Variants in SNAI1 observed in about 807,000 individuals in gnomAD.
SNAI1 encodes the protein zinc finger protein SNAI1.
A neutral mutation model predicts 24.7 loss-of-function variants in SNAI1; 15 were observed. That is an observed-to-expected ratio of 0.61 (90% confidence interval 0.41 to 0.93). The LOEUF is 0.93. Ranked by LOEUF, SNAI1 falls within the 40% of genes least tolerant of loss-of-function variation. The probability of loss-of-function intolerance (pLI) is 0.00; values close to 1 mark genes in which losing one functional copy is unlikely to be tolerated. For synonymous variants in SNAI1, 163 were observed against 142.9 expected, an observed-to-expected ratio of 1.14 and a Z score of -1.00; for missense variants, 283 against 336.7, an observed-to-expected ratio of 0.84 and a Z score of 1.25.
chr20:49,987,146 C>T (rs1485249958), intron 2 of SNAI1, among the ~76,000 whole-genome samples: 2 of 152,114 alleles, frequency 1.3e-5, no homozygotes, highest in African/African-American at 4.8e-5. Flanking sequence ...AGGCCCTTGC[C>T]CTTATGGGAC....
intron 2 of SNAI1, among the ~76,000 whole-genome samples, chr20:49,986,987 T>G (rs1214025918): frequency 2.0e-5 from 3 of 152,160 alleles, no homozygotes; most frequent in African/African-American, 7.2e-5. Context: ...TTGTTGAGGA[T>G]TTACTGGGCA....
In SNAI1 at chr20:49,984,082, C is replaced by T. The variant is rs774280694; in HGVS notation, c.341C>T (p.Ser114Phe). The T allele has an allele frequency of 3.8e-5, 61 of 1,614,094 alleles. No individual in the cohort carries two copies. The highest frequency in any genetic ancestry group is 4.9e-5 in the Non-Finnish European group (58 of 1,180,018). The change falls in exon 2 of 3, where the codon TCC (serine) becomes TTC (phenylalanine). Residue 114 changes from serine (S) to phenylalanine (F), a missense_variant. Transcript: ENST00000244050. ...SPPSPAPSSF[S>F]STSVSSLEAE... ...CCCTCACCGGCTCCTTCGTCCTTCT[C>T]CTCTACTTCAGTCTCTTCCTTGGAG...
intron 2 of SNAI1, among the ~76,000 whole-genome samples, chr20:49,984,887 G>A (rs879526088): frequency 1.5e-4 from 23 of 152,194 alleles, no homozygotes; most frequent in Non-Finnish European, 3.1e-4. Context: ...GCAAAGTGCC[G>A]GTACCTGCTA....
chr20:49,986,418 C>T (rs1051515261), intron 2 of SNAI1, among the ~76,000 whole-genome samples: 2 of 152,178 alleles, frequency 1.3e-5, no homozygotes, highest in African/African-American at 2.4e-5. Flanking sequence ...CTCTCCTACC[C>T]TGGTAGCTCA....
rs1222070626 is a variant in SNAI1 at position 49,988,038 on chromosome 20, C to T, written c.777C>T (p.Cys259=). 5.0e-6 allele frequency: 8 copies of T among 1,604,948 alleles called. No individual in the cohort carries two copies. Among genetic ancestry groups the T allele is most frequent in the Non-Finnish European group, 6.8e-6 (8 of 1,174,306 alleles). Residue 259 remains cysteine (C), a synonymous_variant, in exon 3 of 3, where the codon TGC becomes TGT. Transcript: ENST00000244050. ...TCCACAAGCACCAAGAGTCCGGCTG[C>T]TCAGGATGTCCCCGCTGACCCTCGA... ...SLLHKHQESG[C]SGCPR is the part of the protein sequence containing the mutation.
In SNAI1 at chr20:49,984,396, C is replaced by G. The variant is rs886761206; in HGVS notation, c.610+45C>G. The G allele has an allele frequency of 1.3e-5, 20 of 1,507,248 alleles. No individual in the cohort carries two copies. In the African/African-American group the frequency reaches 2.1e-4, roughly 16 times the overall value. The allele number at this position is 1,507,248 out of a possible 1,614,324, so 93.4% of individuals were successfully genotyped here. A position where few individuals can be genotyped will look rare whatever the true frequency, so the allele number is the denominator to read the frequency against. ...CCCCCACCGTTGCTCTCTCTGGCAGCTTTTGTGAATCTGGGCTTGCTGTTC... is the reference window on the plus strand; with the variant it reads ...CCCCCACCGTTGCTCTCTCTGGCAGGTTTTGTGAATCTGGGCTTGCTGTTC... On this transcript the variant is annotated intron_variant, in intron 2 of 2. Coordinates refer to ENST00000244050, the MANE Select transcript of SNAI1 (RefSeq NM_005985.4).
rs371056563 is a variant in SNAI1 at position 49,987,858 on chromosome 20, C to G, written c.611-14C>G. Reference sequence around the variant, plus strand: ...CCCACGGCTCACTCGGCCTTTCTGGCGTTCTCTCCCCAGGCGAGAAGCCCT... The same window carrying G: ...CCCACGGCTCACTCGGCCTTTCTGGGGTTCTCTCCCCAGGCGAGAAGCCCT... On this transcript the variant is annotated splice_polypyrimidine_tract_variant and intron_variant, in intron 2 of 2. Transcript: ENST00000244050. 2 of 1,612,900 alleles carry G rather than the reference C, an allele frequency of 1.2e-6. No individual in the cohort carries two copies. Among genetic ancestry groups the G allele is most frequent in the Admixed American group, 1.7e-5 (1 of 59,994 alleles).
rs1568931710 is a variant in SNAI1, at chr20:49,988,029, G to A, written c.768G>A (p.Glu256=). 6.2e-7 allele frequency: 1 copy of A among 1,609,708 alleles called. No homozygotes were observed. Among genetic ancestry groups the A allele is most frequent in the Non-Finnish European group, 8.5e-7 (1 of 1,177,196 alleles). The change falls in exon 3 of 3, where the codon GAG becomes GAA. Residue 256 remains glutamate, a synonymous_variant. Coordinates refer to ENST00000244050, the MANE Select transcript of SNAI1 (RefSeq NM_005985.4). ...SRMSLLHKHQ[E]SGCSGCPR Reference sequence around the variant, plus strand: ...TGTCCCTGCTCCACAAGCACCAAGAGTCCGGCTGCTCAGGATGTCCCCGCT... The same window carrying A: ...TGTCCCTGCTCCACAAGCACCAAGAATCCGGCTGCTCAGGATGTCCCCGCT...
At chr20:49,985,393 T>C (rs2078330687) in intron 2 of SNAI1, among the ~76,000 whole-genome samples, 1 of 152,154 alleles carries the variant, frequency 6.6e-6, no homozygotes, top group Admixed American at 6.5e-5. Flanking sequence ...TCGCGGGCTT[T>C]ATTGGCATCT....
chr20:49,983,463 C>T lies in SNAI1; in HGVS notation c.82+322C>T, dbSNP rs890665381. On this transcript the variant is annotated intron_variant, in intron 1 of 2. Transcript: ENST00000244050. ...CCTCTGGACGCTGCTGGGGAGAGTC[C>T]GGAGTCCAGAGGGTTGAGGGGAGGG... Among the ~76,000 whole-genome samples the T allele has an allele frequency of 1.4e-4, 15 of 104,922 alleles. 1 individual carries two copies. In the East Asian group the frequency reaches 3.9e-3, roughly 27 times the overall value. 68.8% of individuals were successfully genotyped at this position (104,922 alleles called of 152,430 possible). A position where few individuals can be genotyped will look rare whatever the true frequency, so the allele number is the denominator to read the frequency against.
intron 2 of SNAI1, 101 bp downstream of exon 2, chr20:49,984,452 C>G (rs190995332): frequency 1.0e-5 from 12 of 1,197,558 alleles, no homozygotes; most frequent in Non-Finnish European, 1.4e-5. Context: ...ACTGAGGCCC[C>G]GAGTCTTCTA....
chr20:49,984,144 G>A lies in SNAI1; in HGVS notation c.403G>A (p.Val135Met). The A allele has an allele frequency of 3.1e-6, 5 of 1,614,172 alleles. No individual in the cohort carries two copies. Among genetic ancestry groups the A allele is most frequent in the Non-Finnish European group, 4.2e-6 (5 of 1,180,000 alleles). Reference protein sequence around the residue: ...AYAAFPGLGQVPKQLAQLSEA... With the variant: ...AYAAFPGLGQMPKQLAQLSEA... The stretch of plus-strand genomic sequence containing the variant: ...TGCTGCCTTCCCAGGCTTGGGCCAA[G>A]TGCCCAAGCAGCTGGCCCAGCTCTC... The change falls in exon 2 of 3, where the codon GTG becomes ATG. Residue 135 changes from valine (V) to methionine (M), a missense_variant. By Grantham distance (21) the Val-to-Met change is conservative (BLOSUM62 1). Transcript: ENST00000244050.
In SNAI1 at chr20:49,984,190, C is replaced by T; in HGVS notation, c.449C>T (p.Ala150Val). The T allele has an allele frequency of 6.2e-7, 1 of 1,614,244 alleles. No individual in the cohort carries two copies. The highest frequency in any genetic ancestry group is 8.5e-7 in the Non-Finnish European group (1 of 1,180,046). Residue 150 changes from alanine (A) to valine (V), a missense_variant, in exon 2 of 3, where the codon GCT becomes GTT. Ala to Val is a moderately conservative substitution (Grantham distance 64). Transcript: ENST00000244050. ...AQLSEAKDLQ[A>V]RKAFNCKYCN... ...CTCTCTGAGGCCAAGGATCTCCAGG[C>T]TCGAAAGGCCTTCAACTGCAAATAC...
chr20:49,987,631 T>C (rs528969744), intron 2 of SNAI1, among the ~76,000 whole-genome samples: 1 of 152,228 alleles, frequency 6.6e-6, no homozygotes, highest in African/African-American at 2.4e-5. Context: ...AATAGCCCCA[T>C]TTTACAGGTG....
chr20:49,983,288 A>G (rs2146878459), intron 1 of SNAI1, 147 bp downstream of exon 1: 1 of 679,620 alleles, frequency 1.5e-6, no homozygotes, highest in Non-Finnish European at 2.6e-6. Flanking sequence ...AGACCGGGCA[A>G]GTGGGTCCCC....
chr20:49,986,150 C>A (rs2078333272), intron 2 of SNAI1, among the ~76,000 whole-genome samples: 1 of 152,182 alleles, frequency 6.6e-6, no homozygotes, highest in African/African-American at 2.4e-5. Context: ...GCCCTTAGTT[C>A]ACAAGGGTGA....
In SNAI1 at chr20:49,984,026, C is replaced by T. The variant is rs147337237; in HGVS notation, c.285C>T (p.Asp95=). The stretch of plus-strand genomic sequence containing the variant: ...AGCTGACCTCCCTGTCAGATGAGGA[C>T]AGTGGGAAAGGCTCCCAGCCCCCCA... ...VAELTSLSDE[D]SGKGSQPPSP... Residue 95 remains aspartate (D), a synonymous_variant, in exon 2 of 3, where the codon GAC becomes GAT. Transcript: ENST00000244050. The T allele has an allele frequency of 5.8e-5, 93 of 1,613,474 alleles. No individual in the cohort carries two copies. Among genetic ancestry groups the T allele is most frequent in the Non-Finnish European group, 6.8e-5 (80 of 1,179,758 alleles).
At chr20:49,986,337 G>C (rs1019764541) in intron 2 of SNAI1, among the ~76,000 whole-genome samples, 3 of 151,970 alleles carry the variant, frequency 2.0e-5, no homozygotes, top group Admixed American at 6.6e-5. Flanking sequence ...CCATGAGACT[G>C]AGTCCAGCTC....
rs1435229402 is a variant in SNAI1, at chr20:49,988,791, T to A, written c.*735T>A. 3 of 152,638 alleles carry A rather than the reference T, an allele frequency of 2.0e-5. No homozygotes were observed. The highest frequency in any genetic ancestry group is 4.4e-5 in the Non-Finnish European group (3 of 68,052). 9.5% of individuals were successfully genotyped at this position (152,638 alleles called of 1,614,324 possible). On this transcript the variant is annotated 3_prime_UTR_variant, in exon 3 of 3. Coordinates refer to ENST00000244050, the MANE Select transcript of SNAI1 (RefSeq NM_005985.4). ...TACATTTTTAAAGGTACACTGGTAT[T>A]TATATTTCAAACATTTTGTATCAAG...
Sources: allele counts gnomAD v4.1 joint callset (sites outside exome capture counted in the v4.1 genomes callset), GRCh38; gene constraint gnomAD v4.1.1; transcripts MANE v1.5; gene names NCBI Gene and HGNC (gene_info 2026-07-23, HGNC 2026-07-21).